Variants in MGA observed in about 807,000 individuals in gnomAD.
MGA encodes the protein MAX dimerization protein MGA.
A neutral mutation model predicts 261.1 loss-of-function variants in MGA; 40 were observed. The ratio of observed to expected loss-of-function variants is 0.15; its 90% CI spans 0.12 to 0.20. The LOEUF (loss-of-function observed/expected upper bound fraction) is 0.20. MGA is among the 10% of genes least tolerant of loss of function. The pLI, the probability that MGA is intolerant of heterozygous loss-of-function variation, is 1.00. For synonymous variants in MGA, 1,302 were observed against 1,290.6 expected (o/e 1.01, Z -0.19); for missense variants, 3,397 against 3,630.5 (o/e 0.94, Z 1.65).
chr15:41,755,754 C>G (rs1188968690), intron 18 of MGA, among the ~76,000 whole-genome samples: 1 of 152,220 alleles, frequency 6.6e-6, no homozygotes, highest in Admixed American at 6.5e-5. Flanking sequence ...CGTGGTGGCT[C>G]ACGCCTGTAA....
At chr15:41,702,937 AT>A (rs60668348) in intron 5 of MGA, among the ~76,000 whole-genome samples, 109,620 of 151,858 alleles carry the variant, frequency 0.72, 41,225 homozygotes, top group East Asian at 0.89. Flanking sequence ...GAGAATACCT[AT>A]TTTTTTTCCC....
chr15:41,751,436 A>G (rs1052227822), intron 17 of MGA: 34 of 152,116 alleles, frequency 2.2e-4, no homozygotes, highest in African/African-American at 7.5e-4. Flanking sequence ...AAACTTTAGT[A>G]AAAAAGTCCA....
chr15:41,724,266 T>G (rs545729918), intron 9 of MGA, among the ~76,000 whole-genome samples: 2 of 152,342 alleles, frequency 1.3e-5, no homozygotes, highest in South Asian at 4.1e-4. Flanking sequence ...AAGACATACT[T>G]GTACATACTT....
chr15:41,711,726 C>G (rs567216180), intron 8 of MGA, among the ~76,000 whole-genome samples: 1 of 152,096 alleles, frequency 6.6e-6, no homozygotes, highest in Admixed American at 6.6e-5. Flanking sequence ...GATGGAGTCT[C>G]GCTCTGTTGC....
intron 1 of MGA, among the ~76,000 whole-genome samples, chr15:41,662,827 A>G (rs2057495758): frequency 6.6e-6 from 1 of 151,340 alleles, no homozygotes; most frequent in African/African-American, 2.4e-5. Flanking sequence ...TAAGGAATAT[A>G]CTAACATCTT....
chr15:41,730,219 G>C (rs922363485), intron 11 of MGA, among the ~76,000 whole-genome samples: 13 of 152,216 alleles, frequency 8.5e-5, no homozygotes, highest in African/African-American at 2.4e-4. Context: ...ACTTTGGGAG[G>C]CCGAGGTGGG....
chr15:41,635,464 C>G (rs2056681198), intron 1 of MGA, among the ~76,000 whole-genome samples: 1 of 152,124 alleles, frequency 6.6e-6, no homozygotes, highest in African/African-American at 2.4e-5. Context: ...AATCCCAGCA[C>G]TTTGGGAGGC....
chr15:41,742,141 C>T (rs1001912534), intron 14 of MGA, among the ~76,000 whole-genome samples: 124 of 151,574 alleles, frequency 8.2e-4, no homozygotes, highest in Non-Finnish European at 1.5e-3. Context: ...AATCCTAGCA[C>T]TTTGGGAGGC....
chr15:41,767,322 T>C lies in MGA; in HGVS notation c.*42T>C, dbSNP rs1212647656. 6.4e-7 allele frequency: 1 copy of C among 1,554,056 alleles called. No homozygotes were observed. Among genetic ancestry groups the C allele is most frequent in the East Asian group, 2.3e-5 (1 of 44,400 alleles). ...GCAGAAGCCAGGCTGTGAGGGGAAA[T>C]AGATCTCACCTCCTTTCTCTGCAGG... On this transcript the variant is annotated 3_prime_UTR_variant, in exon 24 of 24. Transcript: ENST00000219905.
intron 9 of MGA, chr15:41,718,347 AT>A: frequency 2.4e-6 from 1 of 412,208 alleles, no homozygotes; most frequent in Non-Finnish European, 4.2e-6. Flanking sequence ...GTATAGTATT[AT>A]TTAGTTAGGT....
At chr15:41,687,372 C>T (rs997246877) in intron 2 of MGA, among the ~76,000 whole-genome samples, 3 of 152,050 alleles carry the variant, frequency 2.0e-5, no homozygotes, top group African/African-American at 4.8e-5. Flanking sequence ...TTTTGGAAGA[C>T]AGTCATGCTT....
chr15:41,737,951 G>T lies in MGA; in HGVS notation c.4434+1253G>T, dbSNP rs928462098. Among the ~76,000 whole-genome samples the T allele has an allele frequency of 3.3e-5, 5 of 151,874 alleles. No homozygotes were observed. The East Asian group carries it at 7.7e-4, about 23-fold the overall frequency. ...GCTGAGATTGTGCCACTGTATTCCA[G>T]CTTGGGCAACAGAGGGAGATTGTCT... On this transcript the variant is annotated intron_variant, in intron 13 of 23. Coordinates refer to ENST00000219905, the MANE Select transcript of MGA (RefSeq NM_001164273.2).
At chr15:41,625,180 T>C (rs1447253827) in intron 1 of MGA, among the ~76,000 whole-genome samples, 2 of 152,150 alleles carry the variant, frequency 1.3e-5, no homozygotes, top group East Asian at 3.9e-4. Context: ...AGCATGACTG[T>C]CGAGGCAAAT....
At chr15:41,715,887 T>A (rs931192375) in intron 9 of MGA, among the ~76,000 whole-genome samples, 3 of 152,196 alleles carry the variant, frequency 2.0e-5, no homozygotes, top group Non-Finnish European at 4.4e-5. Context: ...TCCCTTCTTA[T>A]GCTTAAGACA....
At chr15:41,624,837 T>A (rs190227773) in intron 1 of MGA, among the ~76,000 whole-genome samples, 6 of 152,218 alleles carry the variant, frequency 3.9e-5, no homozygotes, top group Non-Finnish European at 7.4e-5. Flanking sequence ...GGGAAAACAG[T>A]TTTCCAGTCT....
chr15:41,749,617 G>C lies in MGA; in HGVS notation c.6010G>C (p.Glu2004Gln), dbSNP rs935025466. 8 of 1,613,748 alleles carry C rather than the reference G, an allele frequency of 5.0e-6. No homozygotes were observed. The highest frequency in any genetic ancestry group is 5.9e-6 in the Non-Finnish European group (7 of 1,179,870). The change falls in exon 17 of 24, where the codon GAG becomes CAG. Residue 2004 changes from glutamate to glutamine, a missense_variant. Glu to Gln is a conservative substitution (Grantham distance 29). Around this residue, in one of 9 missense-constraint regions of MGA, gnomAD observed 1,410 missense variants for 1,386.4 expected, o/e 1.02. Transcript: ENST00000219905. ...GTCAGAAGGAGAGGCTGTAGACCCT[G>C]AGGCTAATGTAATAAAACAAAACTC...
intron 17 of MGA, among the ~76,000 whole-genome samples, chr15:41,752,641 G>A (rs1010028210): frequency 2.8e-5 from 4 of 140,852 alleles, no homozygotes; most frequent in African/African-American, 5.3e-5. Flanking sequence ...TGCATCCTCT[G>A]CCTTCTCGGT....
intron 9 of MGA, among the ~76,000 whole-genome samples, chr15:41,721,749 C>T (rs1036449812): frequency 1.3e-5 from 2 of 152,206 alleles, no homozygotes; most frequent in Admixed American, 6.5e-5. Flanking sequence ...ATCTCCTACA[C>T]TGCTGATGGG....
chr15:41,738,327 AGAG>A (rs2061902047), intron 13 of MGA, among the ~76,000 whole-genome samples: 4 of 151,918 alleles, frequency 2.6e-5, no homozygotes, highest in African/African-American at 9.7e-5. Flanking sequence ...CCTGGGAGGC[AGAG>A]GTTGCAGTGA....
Sources: gnomAD v4.1 joint callset for allele counts (sites outside exome capture counted in the v4.1 genomes callset) on GRCh38, gnomAD v4.1.1 for gene constraint, gnomAD v4.1.1 regional missense constraint, MANE v1.5 for transcripts, NCBI Gene and HGNC (gene_info 2026-07-23, HGNC 2026-07-21) for gene names.